The following NBEA variants were observed in gnomAD, a reference collection of about 807,000 sequenced individuals.
NBEA encodes neurobeachin, also known as lysosomal-trafficking regulator 2.
A neutral mutation model predicts 343.4 loss-of-function variants in NBEA; 44 were observed. That is an observed-to-expected ratio of 0.13 (90% CI 0.10 to 0.16). The LOEUF is 0.16. NBEA is among the 10% of genes least tolerant of loss of function. The pLI is 1.00. For synonymous variants in NBEA, 1,175 were observed against 1,238.7 expected (o/e 0.95, Z 1.08); for missense variants, 2,555 against 3,631.3 (o/e 0.70, Z 7.62).
At chr13:34,943,509 A>T (rs2059096859) in intron 1 of NBEA, among the ~76,000 whole-genome samples, 1 of 152,118 alleles carries the variant, frequency 6.6e-6, no homozygotes, top group Non-Finnish European at 1.5e-5. Context: ...CTCTCCGAGG[A>T]TGACAGCCTT....
At chr13:35,638,551 G>A (rs188584995) in intron 49 of NBEA, among the ~76,000 whole-genome samples, 1 of 152,170 alleles carries the variant, frequency 6.6e-6, no homozygotes, top group Non-Finnish European at 1.5e-5. Context: ...GGAAGGTAGA[G>A]AGCAAGGGAG....
chr13:34,979,674 T>C (rs1246584576), intron 1 of NBEA, among the ~76,000 whole-genome samples: 3 of 152,228 alleles, frequency 2.0e-5, no homozygotes, highest in African/African-American at 7.2e-5. Flanking sequence ...AAAGTCTGTA[T>C]ATTTTCTTTT....
intron 33 of NBEA, among the ~76,000 whole-genome samples, chr13:35,221,362 TA>T (rs1328140191): frequency 2.0e-5 from 3 of 149,602 alleles, no homozygotes; most frequent in East Asian, 3.9e-4. Flanking sequence ...AACAAAAAAC[TA>T]AAAAAACTTC....
intron 27 of NBEA, among the ~76,000 whole-genome samples, 188 bp from the exon 28 acceptor site, chr13:35,176,808 T>C (rs2070934033): frequency 6.6e-6 from 1 of 151,918 alleles, no homozygotes; most frequent in South Asian, 2.1e-4. Flanking sequence ...ACAAGAATGC[T>C]AGTATGGAAA....
intron 13 of NBEA, among the ~76,000 whole-genome samples, chr13:35,115,523 A>G (rs2066450194): frequency 6.6e-6 from 1 of 151,872 alleles, no homozygotes; most frequent in South Asian, 2.1e-4. Context: ...ATTTTTTACT[A>G]TGTTTTACTC....
chr13:35,439,304 AG>A (rs1338318728), intron 39 of NBEA, among the ~76,000 whole-genome samples: 1 of 152,212 alleles, frequency 6.6e-6, no homozygotes, highest in Non-Finnish European at 1.5e-5. Flanking sequence ...GTTATCATAG[AG>A]GGATGTAGTA....
At chr13:35,047,201 T>TTGTGTGTG (rs139134555) in intron 4 of NBEA, among the ~76,000 whole-genome samples, 2,443 of 148,054 alleles carry the variant, frequency 0.017, 59 homozygotes, top group African/African-American at 0.052. Context: ...TCATTTGAAA[T>TTGTGTGTG]TGTGTGTGTG....
rs780456373 is a variant in NBEA, at chr13:35,157,105, G to A, written c.2679G>A (p.Gln893=). The A allele has an allele frequency of 6.3e-7, 1 of 1,597,868 alleles. No individual in the cohort carries two copies. Among genetic ancestry groups the A allele is most frequent in the East Asian group, 2.3e-5 (1 of 44,370 alleles). The change falls in exon 21 of 59, where the codon CAG becomes CAA. Residue 893 remains glutamine, a synonymous_variant. Transcript: ENST00000379939. ...GCTTATTGCAGTGTTCAGTGTGGCA[G>A]GATTGGATGTTTTCTCTTGGCTATA... ...RRCLLQCSVW[Q]DWMFSLGYIN... is the part of the protein sequence containing the mutation.
intron 39 of NBEA, among the ~76,000 whole-genome samples, chr13:35,436,671 A>G (rs1044249406): frequency 6.2e-4 from 93 of 150,246 alleles, no homozygotes; most frequent in South Asian, 6.3e-4. Flanking sequence ...GATCGCGCCA[A>G]TGCACTCCAG....
intron 46 of NBEA, 61 bp from the exon 47 acceptor site, chr13:35,593,266 CA>C: frequency 6.4e-7 from 1 of 1,566,288 alleles, no homozygotes; most frequent in Non-Finnish European, 8.7e-7. Context: ...CCATGTTTCA[CA>C]AAGGAACGAG....
chr13:35,244,354 C>T lies in NBEA; in HGVS notation c.5776+11735C>T, dbSNP rs1245553537. Among the ~76,000 whole-genome samples the T allele has an allele frequency of 9.2e-5, 14 of 152,024 alleles. No individual in the cohort carries two copies. In the South Asian group the frequency reaches 2.3e-3, roughly 25 times the overall value. On this transcript the variant is annotated intron_variant, in intron 34 of 58. Transcript: ENST00000379939. ...ATGTGAATAGCCAATTATCCCAGCA[C>T]CATTTGTTGAAAGAGTATCCTTTCC...
At chr13:35,162,837 G>A (rs577266515) in intron 23 of NBEA, among the ~76,000 whole-genome samples, 29 of 152,152 alleles carry the variant, frequency 1.9e-4, no homozygotes, top group African/African-American at 7.0e-4. Context: ...TAAAATGTGT[G>A]TTAGCAGGGA....
At chr13:35,631,147 C>G (rs1339752983) in intron 49 of NBEA, among the ~76,000 whole-genome samples, 1 of 152,168 alleles carries the variant, frequency 6.6e-6, no homozygotes, top group Non-Finnish European at 1.5e-5. Context: ...CTCAGTTGCT[C>G]TCTCTGTAAA....
At chr13:35,512,595 G>T (rs535952938) in intron 41 of NBEA, among the ~76,000 whole-genome samples, 2 of 152,214 alleles carry the variant, frequency 1.3e-5, no homozygotes, top group South Asian at 4.1e-4. Flanking sequence ...TTGGTTCCTT[G>T]TACTTTCAGC....
At chr13:35,316,700 G>T (rs942282475) in intron 36 of NBEA, among the ~76,000 whole-genome samples, 2 of 152,124 alleles carry the variant, frequency 1.3e-5, no homozygotes, top group African/African-American at 4.8e-5. Context: ...TTCCACAGTG[G>T]TCAAACTAAT....
intron 38 of NBEA, among the ~76,000 whole-genome samples, chr13:35,392,149 T>G (rs1469303938): frequency 1.3e-5 from 2 of 152,122 alleles, no homozygotes. Context: ...TATGCAATAT[T>G]TTTATTAATT....
intron 34 of NBEA, among the ~76,000 whole-genome samples, chr13:35,283,615 A>C (rs1283349060): frequency 1.3e-5 from 2 of 152,196 alleles, no homozygotes; most frequent in African/African-American, 4.8e-5. Context: ...TTTTGGATCA[A>C]AGAAAGGTAA....
Position 35,016,456 on chromosome 13 carries a change from C to T in NBEA, c.295-24477C>T, listed in dbSNP as rs111418319. Among the ~76,000 whole-genome samples the T allele has an allele frequency of 3.9e-5, 6 of 152,036 alleles. 1 individual carries two copies. The highest frequency in any genetic ancestry group is 1.4e-4 in the African/African-American group (6 of 41,494). ...ATTTGACAACTCATTTGTTGAGTCCCGTTTTGGAGGGGACATTTTCTTGCA... is the reference window on the plus strand; with the variant it reads ...ATTTGACAACTCATTTGTTGAGTCCTGTTTTGGAGGGGACATTTTCTTGCA... On this transcript the variant is annotated intron_variant, in intron 1 of 58. Transcript: ENST00000379939.
chr13:35,544,457 A>G (rs563291567), intron 41 of NBEA, among the ~76,000 whole-genome samples: 1 of 152,216 alleles, frequency 6.6e-6, no homozygotes, highest in Non-Finnish European at 1.5e-5. Context: ...AGTCATTTAC[A>G]TGTTTCTGAC....
Sources: allele counts gnomAD v4.1 joint callset (sites outside exome capture counted in the v4.1 genomes callset), GRCh38; gene constraint gnomAD v4.1.1; transcripts MANE v1.5; gene names NCBI Gene and HGNC (gene_info 2026-07-23, HGNC 2026-07-21).